HERC4: variants seen among roughly 807,000 people sequenced by gnomAD.
The protein encoded by HERC4 is probable E3 ubiquitin-protein ligase HERC4.
A neutral mutation model predicts 124.3 loss-of-function variants in HERC4; 28 were observed. That is an observed-to-expected ratio of 0.23 (90% CI 0.17 to 0.31). The LOEUF is 0.31. Among genes scored for constraint, HERC4 ranks in the 10% least tolerant of loss-of-function variants. HERC4 has a pLI of 1.00. For missense variants in HERC4, 713 were observed against 1,229.3 expected (o/e 0.58, Z 6.28); for synonymous variants, 407 against 421.5 (o/e 0.97, Z 0.42).
chr10:67,939,485 C>T (rs1378785788), intron 21 of HERC4, 103 bp downstream of exon 21: 5 of 727,026 alleles, frequency 6.9e-6, no homozygotes, highest in Non-Finnish European at 1.1e-5. Flanking sequence ...CTAAAGGGTT[C>T]TTTAAGAATT....
chr10:67,939,698 A>G (rs373056923), intron 20 of HERC4, 44 bp from the exon 21 acceptor site: 222 of 1,162,650 alleles, frequency 1.9e-4, no homozygotes, highest in Non-Finnish European at 2.6e-4. Flanking sequence ...AAATTATTGG[A>G]TATTTTGACT....
rs71470503 is a variant in HERC4 at position 68,061,879 on chromosome 10, T to TAAAAAA, written c.226+10998_226+11003dup. Among the ~76,000 whole-genome samples the TAAAAAA allele has an allele frequency of 4.1e-3, 227 of 54,854 alleles. 2 individuals are homozygous for TAAAAAA. Among genetic ancestry groups the TAAAAAA allele is most frequent in the African/African-American group, 0.016 (192 of 12,092 alleles). The allele number at this position is 54,854 out of a possible 152,430, so 36.0% of individuals were successfully genotyped here. A position where few individuals can be genotyped will look rare whatever the true frequency, so the allele number is the denominator to read the frequency against. On this transcript the variant is annotated intron_variant, in intron 3 of 24. Transcript: ENST00000373700. ...CTGGGTGACAGAGCGAGACTCCATT[T>TAAAAAA]AAAAAAAAAAAAAAAAAAAAAAAAA...
intron 1 of HERC4, chr10:68,074,620 G>A (rs2041722302): frequency 6.6e-6 from 1 of 152,184 alleles, no homozygotes; most frequent in African/African-American, 2.4e-5. Context: ...AGCTCATGGG[G>A]ACTGGGAAAG....
At chr10:67,934,058 T>A (rs1421058416) in intron 22 of HERC4, among the ~76,000 whole-genome samples, 1 of 152,222 alleles carries the variant, frequency 6.6e-6, no homozygotes, top group Non-Finnish European at 1.5e-5. Context: ...ACTATTTAAC[T>A]CTTTTTGCTA....
At chr10:68,059,384 G>A (rs540979553) in intron 3 of HERC4, among the ~76,000 whole-genome samples, 2 of 144,006 alleles carry the variant, frequency 1.4e-5, no homozygotes, top group Admixed American at 7.3e-5. Flanking sequence ...CATCATATAG[G>A]TCTTGCACAT....
At chr10:68,057,655 T>C (rs1183998029) in intron 3 of HERC4, among the ~76,000 whole-genome samples, 1 of 151,634 alleles carries the variant, frequency 6.6e-6, no homozygotes, top group Non-Finnish European at 1.5e-5. Context: ...CTAAGTATAT[T>C]TACTCAAGTG....
chr10:68,007,501 C>A (rs535548840), intron 9 of HERC4, among the ~76,000 whole-genome samples: 3 of 152,008 alleles, frequency 2.0e-5, no homozygotes, highest in Non-Finnish European at 4.4e-5. Flanking sequence ...TTTCCTGGAT[C>A]GTCTTGATGC....
intron 9 of HERC4, chr10:67,995,313 T>C (rs756801990): frequency 2.2e-6 from 1 of 454,050 alleles, no homozygotes; most frequent in South Asian, 1.6e-5. Context: ...AAAAATTAAG[T>C]GTTAGCATTA....
intron 23 of HERC4, among the ~76,000 whole-genome samples, chr10:67,927,624 A>G (rs961790081): frequency 6.6e-6 from 1 of 151,472 alleles, no homozygotes; most frequent in African/African-American, 2.4e-5. Context: ...CGGGGGTTTC[A>G]CTATGTTGGC....
chr10:67,923,086 G>C lies in HERC4; in HGVS notation c.2995C>G (p.Leu999Val). The change falls in exon 25 of 25, where the codon CTA becomes GTA. Residue 999 changes from leucine to valine, a missense_variant. Coordinates refer to ENST00000373700, the MANE Select transcript of HERC4 (RefSeq NM_015601.4). ...IPILGMKSLK[L>V]VIQSTGGGEE... The stretch of plus-strand genomic sequence containing the variant: ...CCACCTCCTGTGGACTGGATGACTA[G>C]TTTCAGACTCTTCATACCAAGAATA... 2 of 1,613,868 alleles carry C rather than the reference G, an allele frequency of 1.2e-6. No individual in the cohort carries two copies. The highest frequency in any genetic ancestry group is 8.5e-7 in the Non-Finnish European group (1 of 1,179,936).
intron 1 of HERC4, chr10:68,073,981 A>C (rs2041690714): frequency 1.3e-5 from 2 of 152,222 alleles, no homozygotes; most frequent in Non-Finnish European, 2.9e-5. Context: ...CCGGGATTAA[A>C]AAAATCACCC....
intron 15 of HERC4, 36 bp from the exon 16 acceptor site, chr10:67,966,838 C>T (rs778091404): frequency 5.3e-6 from 8 of 1,508,982 alleles, no homozygotes; most frequent in Non-Finnish European, 7.1e-6. Context: ...TAAATTTAAC[C>T]AGTACTCAAG....
chr10:67,944,774 A>G (rs919011157), intron 19 of HERC4, among the ~76,000 whole-genome samples: 10 of 152,240 alleles, frequency 6.6e-5, no homozygotes, highest in Non-Finnish European at 2.9e-5. Flanking sequence ...AAAGAAGCAG[A>G]AATTCTAGAG....
At chr10:67,966,497 G>A in intron 16 of HERC4, 186 bp downstream of exon 16, 1 of 492,198 alleles carries the variant, frequency 2.0e-6, no homozygotes, top group South Asian at 2.9e-5. Context: ...TGGTAAAAGA[G>A]TAGAATGTTT....
intron 4 of HERC4, among the ~76,000 whole-genome samples, chr10:68,043,802 C>T (rs761099073): frequency 6.6e-6 from 1 of 152,084 alleles, no homozygotes; most frequent in Non-Finnish European, 1.5e-5. Context: ...GGCAACAGTG[C>T]GAGACTCTGT....
chr10:67,936,374 C>G lies in HERC4; in HGVS notation c.2572-139G>C, dbSNP rs142298180. The G allele has an allele frequency of 2.9e-4, 128 of 446,496 alleles. No individual in the cohort carries two copies. The Middle Eastern group carries it at 3.1e-3, about 11-fold the overall frequency. 27.7% of individuals were successfully genotyped at this position (446,496 alleles called of 1,614,324 possible). On this transcript the variant is annotated intron_variant, in intron 21 of 24. Coordinates refer to ENST00000373700, the MANE Select transcript of HERC4 (RefSeq NM_015601.4). ...AAAATTCTGCTACCATATAGCTTAT[C>G]TGAGAATTCTACTTAAAGCCAGAAC...
At chr10:68,069,630 C>G (rs527987708) in intron 3 of HERC4, 50 of 984,882 alleles carry the variant, frequency 5.1e-5, no homozygotes, top group Non-Finnish European at 5.7e-5. Context: ...AATAAGGCTA[C>G]CTCTTTCTCC....
chr10:67,940,814 TG>T (rs1223169683), intron 20 of HERC4, 124 bp downstream of exon 20: 2 of 839,768 alleles, frequency 2.4e-6, no homozygotes, highest in African/African-American at 3.6e-5. Flanking sequence ...GAAGGGCATT[TG>T]TTTACTTCAG....
chr10:67,974,197 C>T (rs1472523579), intron 15 of HERC4, among the ~76,000 whole-genome samples: 4 of 150,352 alleles, frequency 2.7e-5, no homozygotes, highest in African/African-American at 4.9e-5. Context: ...ACTCGAGAAA[C>T]GTTTGCCTCA....
Sources: gnomAD v4.1 joint callset for allele counts (sites outside exome capture counted in the v4.1 genomes callset) on GRCh38, gnomAD v4.1.1 for gene constraint, MANE v1.5 for transcripts, NCBI Gene and HGNC (gene_info 2026-07-23, HGNC 2026-07-21) for gene names.